Variants in KIF25 observed in about 807,000 individuals in gnomAD.
KIF25 encodes the protein kinesin-like protein KIF25.
A neutral mutation model predicts 32.9 loss-of-function variants in KIF25; 19 were observed. The observed-to-expected ratio is 0.58, with a 90% CI of 0.40 to 0.85. The LOEUF (loss-of-function observed/expected upper bound fraction) is 0.85, where lower values mean the gene tolerates loss of function less well. Ranked by LOEUF, KIF25 falls within the 40% of genes least tolerant of loss-of-function variation. The pLI is 0.00. For missense variants in KIF25, 485 were observed against 507.0 expected, an observed-to-expected ratio of 0.96 and a Z score of 0.42; for synonymous variants, 225 against 213.7, an observed-to-expected ratio of 1.05 and a Z score of -0.46.
chr6:168,024,423 C>CTTTTTTTTTTTT (rs56243912), intron 5 of KIF25, among the ~76,000 whole-genome samples: 1 of 61,940 alleles, frequency 1.6e-5, no homozygotes, highest in Non-Finnish European at 2.8e-5. Context: ...AAACCTCTCT[C>CTTTTTTTTTTTT]TTTTTTTTTT....
intron 12 of KIF25, 143 bp from the exon 13 acceptor site, chr6:168,044,684 C>T: frequency 1.2e-6 from 1 of 812,020 alleles, no homozygotes; most frequent in African/African-American, 1.7e-5. Context: ...GTCCCAGGAA[C>T]CTGCCAGACG....
Position 168,041,955 on chromosome 6 carries a change from T to C in KIF25, c.647-14T>C. The C allele has an allele frequency of 1.3e-6, 2 of 1,550,916 alleles. No homozygotes were observed. The highest frequency in any genetic ancestry group is 1.7e-6 in the Non-Finnish European group (2 of 1,146,782). ...CAACTGTTTTCCTCCTCGTCGCTCC[T>C]TGGTCCCTTGCAGCAGACCAAGCCT... On this transcript the variant is annotated splice_polypyrimidine_tract_variant and intron_variant, in intron 10 of 12. Coordinates refer to ENST00000643607, the MANE Select transcript of KIF25 (RefSeq NM_030615.4).
intron 8 of KIF25, among the ~76,000 whole-genome samples, chr6:168,037,063 G>GATAAATAAATAA (rs991446808): frequency 6.6e-6 from 1 of 152,084 alleles, no homozygotes; most frequent in South Asian, 2.1e-4. Context: ...CTTTGTCTCA[G>GATAAATAAATAA]ATAAATAAAT....
At chr6:168,026,103 T>C (rs911455119) in intron 5 of KIF25, among the ~76,000 whole-genome samples, 1 of 152,056 alleles carries the variant, frequency 6.6e-6, no homozygotes, top group Non-Finnish European at 1.5e-5. Context: ...TTAGTAAGCG[T>C]TGGATTTGGG....
chr6:168,033,408 G>A (rs921448570), intron 7 of KIF25, among the ~76,000 whole-genome samples: 4 of 151,426 alleles, frequency 2.6e-5, no homozygotes, highest in Admixed American at 2.0e-4. Context: ...GCTTAGGCAG[G>A]AGAATTGCTT....
chr6:168,009,912 G>T (rs1409167164), intron 4 of KIF25, among the ~76,000 whole-genome samples: 1 of 152,046 alleles, frequency 6.6e-6, no homozygotes, highest in Admixed American at 6.5e-5. Flanking sequence ...GGTAGCCGTT[G>T]TGATATCTCT....
chr6:168,011,641 A>G (rs191800493), intron 4 of KIF25, among the ~76,000 whole-genome samples: 1 of 152,306 alleles, frequency 6.6e-6, no homozygotes, highest in East Asian at 1.9e-4. Context: ...TTGACTTTTG[A>G]CAATTTTCCT....
chr6:168,036,876 A>G (rs1799032706), intron 8 of KIF25, among the ~76,000 whole-genome samples: 1 of 152,236 alleles, frequency 6.6e-6, no homozygotes, highest in South Asian at 2.1e-4. Context: ...AGCCTGGCCA[A>G]CATGGCAAAA....
At chr6:168,011,868 T>G (rs1202660767) in intron 4 of KIF25, among the ~76,000 whole-genome samples, 1 of 152,194 alleles carries the variant, frequency 6.6e-6, no homozygotes, top group Non-Finnish European at 1.5e-5. Flanking sequence ...TTATTTTTTA[T>G]TATCTCTCTT....
rs116395154 is a variant in KIF25 at position 168,016,748 on chromosome 6, T to C, written c.-162-1225T>C. 2.8e-3 allele frequency among the ~76,000 whole-genome samples: 423 copies of C among 152,156 alleles called. 1 individual carries two copies. Among genetic ancestry groups the C allele is most frequent in the African/African-American group, 9.7e-3 (402 of 41,514 alleles). On this transcript the variant is annotated intron_variant, in intron 4 of 12. Transcript: ENST00000643607. The stretch of plus-strand genomic sequence containing the variant: ...CTACAGCAACAACATAAAGGACAGG[T>C]GGGAGGGGTGCTGGACTGGAGGCAG...
At chr6:168,002,882 C>CA (rs1798527152) in intron 3 of KIF25, among the ~76,000 whole-genome samples, 1 of 152,340 alleles carries the variant, frequency 6.6e-6, no homozygotes, top group South Asian at 2.1e-4. Context: ...CATCAGGCAT[C>CA]AGAGTCTCAT....
At position 168,039,601 on chromosome 6, in the gene KIF25, C is replaced by T. The variant is rs553680556; in HGVS notation, c.495-464C>T. 5.8e-4 allele frequency among the ~76,000 whole-genome samples: 89 copies of T among 152,330 alleles called. 3 individuals are homozygous for T. The Middle Eastern group carries it at 0.014, about 23-fold the overall frequency. ...CAACCCTGATACGGTCACACAAAGT[C>T]GCCCAAAATTTGAGCCTTTGACTGA... On this transcript the variant is annotated intron_variant, in intron 9 of 12. Transcript: ENST00000643607.
intron 8 of KIF25, chr6:168,035,899 C>T (rs1799018998): frequency 1.2e-5 from 5 of 412,038 alleles, no homozygotes; most frequent in South Asian, 6.8e-5. Flanking sequence ...TGTCCTCCCT[C>T]ATCACATCCA....
Position 168,041,950 on chromosome 6 carries a change from G to C in KIF25, c.647-19G>C, listed in dbSNP as rs1243842386. 2 of 1,549,012 alleles carry C rather than the reference G, an allele frequency of 1.3e-6. No individual in the cohort carries two copies. Among genetic ancestry groups the C allele is most frequent in the Non-Finnish European group, 8.7e-7 (1 of 1,145,392 alleles). On this transcript the variant is annotated intron_variant, in intron 10 of 12. Coordinates refer to ENST00000643607, the MANE Select transcript of KIF25 (RefSeq NM_030615.4). ...TCATGCAACTGTTTTCCTCCTCGTC[G>C]CTCCTTGGTCCCTTGCAGCAGACCA...
intron 12 of KIF25, among the ~76,000 whole-genome samples, chr6:168,043,282 GAAGC>G (rs1420692012): frequency 6.6e-6 from 1 of 152,196 alleles, no homozygotes; most frequent in Non-Finnish European, 1.5e-5. Context: ...AGGACCCGAG[GAAGC>G]ATTGCGGCTC....
At chr6:168,038,759 G>A (rs1799070443) in intron 9 of KIF25, 30 bp downstream of exon 9, 1 of 1,603,204 alleles carries the variant, frequency 6.2e-7, no homozygotes, top group Non-Finnish European at 8.5e-7. Flanking sequence ...CGTGCTGCTG[G>A]CCTCTGAGTG....
chr6:168,040,042 C>T lies in KIF25; in HGVS notation c.495-23C>T, dbSNP rs769052453. ...AAGGGGGGCCGCCCTCACTGTGTTC[C>T]CCACTGCTTGCCTTGTCTGTAGGGC... On this transcript the variant is annotated intron_variant, in intron 9 of 12. Coordinates refer to ENST00000643607, the MANE Select transcript of KIF25 (RefSeq NM_030615.4). 25 of 1,601,414 alleles carry T rather than the reference C, an allele frequency of 1.6e-5. No homozygotes were observed. The East Asian group carries it at 5.4e-4, about 35-fold the overall frequency.
Position 168,040,076 on chromosome 6 carries a change from G to A in KIF25, c.506G>A (p.Ser169Asn). ...TGCCTTGTCTGTAGGGCTGTCGGCAGCGCCTCGAAACTGATGGAGCTCGTT... is the reference window on the plus strand; with the variant it reads ...TGCCTTGTCTGTAGGGCTGTCGGCAACGCCTCGAAACTGATGGAGCTCGTT... ...VALLASEAVGSASKLMELVHG... is the reference protein window; with the variant it reads ...VALLASEAVGNASKLMELVHG... The change falls in exon 10 of 13, where the codon AGC (serine) becomes AAC (asparagine). Residue 169 changes from serine (S) to asparagine (N), a missense_variant. Coordinates refer to ENST00000643607, the MANE Select transcript of KIF25 (RefSeq NM_030615.4). 2.5e-6 allele frequency: 4 copies of A among 1,612,906 alleles called. No individual in the cohort carries two copies. The highest frequency in any genetic ancestry group is 3.4e-6 in the Non-Finnish European group (4 of 1,179,420).
chr6:168,029,752 A>G (rs889518127), intron 6 of KIF25, 75 bp downstream of exon 6: 3 of 1,511,046 alleles, frequency 2.0e-6, no homozygotes, highest in African/African-American at 2.8e-5. Flanking sequence ...TCACTTTTCT[A>G]TTCTTTCTAC....
Sources: allele counts gnomAD v4.1 joint callset (sites outside exome capture counted in the v4.1 genomes callset), GRCh38; gene constraint gnomAD v4.1.1; transcripts MANE v1.5; gene names NCBI Gene and HGNC (gene_info 2026-07-23, HGNC 2026-07-21).